EDIL3: variants seen among roughly 807,000 people sequenced by gnomAD.
The protein encoded by EDIL3 is EGF-like repeat and discoidin I-like domain-containing protein 3.
EDIL3 carries 37 observed loss-of-function variants against 67.4 expected under a neutral mutation model. That is an observed-to-expected ratio of 0.55 (90% CI 0.42 to 0.72). EDIL3 has a LOEUF of 0.72. EDIL3 is among the 30% of genes least tolerant of loss of function. The pLI, the probability that EDIL3 is intolerant of heterozygous loss-of-function variation, is 0.00. For synonymous variants in EDIL3, 195 were observed against 196.3 expected (o/e 0.99, Z 0.05); for missense variants, 527 against 586.3 (o/e 0.90, Z 1.04).
At chr5:84,023,513 T>A (rs983752947) in intron 9 of EDIL3, among the ~76,000 whole-genome samples, 2 of 152,090 alleles carry the variant, frequency 1.3e-5, no homozygotes, top group African/African-American at 4.8e-5. Flanking sequence ...TGCAAGAGTA[T>A]AGCTACTGAG....
intron 2 of EDIL3, among the ~76,000 whole-genome samples, chr5:84,248,270 C>T (rs981109654): frequency 1.5e-4 from 23 of 152,234 alleles, no homozygotes; most frequent in African/African-American, 4.6e-4. Flanking sequence ...AAAGGAAATG[C>T]TTATCTTGCT....
intron 1 of EDIL3, among the ~76,000 whole-genome samples, chr5:84,309,023 T>C (rs999549262): frequency 1.3e-5 from 2 of 152,172 alleles, no homozygotes; most frequent in Non-Finnish European, 2.9e-5. Flanking sequence ...TATATAAAGA[T>C]ACAGAACTCA....
intron 3 of EDIL3, among the ~76,000 whole-genome samples, chr5:84,218,827 G>A (rs796362266): frequency 6.6e-6 from 1 of 152,128 alleles, no homozygotes; most frequent in South Asian, 2.1e-4. Context: ...AGAGTCCACT[G>A]GTTGTGGAAA....
intron 1 of EDIL3, among the ~76,000 whole-genome samples, chr5:84,270,550 TTA>T (rs1745450259): frequency 6.6e-6 from 1 of 152,208 alleles, no homozygotes; most frequent in African/African-American, 2.4e-5. Flanking sequence ...AGAACAATTC[TTA>T]TTTTCATTAA....
chr5:84,381,076 G>T (rs1190541056), intron 1 of EDIL3, among the ~76,000 whole-genome samples: 2 of 151,916 alleles, frequency 1.3e-5, no homozygotes, highest in East Asian at 1.9e-4. Context: ...GAAGATTTTT[G>T]CAACTTCAAG....
At chr5:84,154,404 A>G (rs1580352043) in intron 4 of EDIL3, among the ~76,000 whole-genome samples, 1 of 152,234 alleles carries the variant, frequency 6.6e-6, no homozygotes, top group South Asian at 2.1e-4. Flanking sequence ...TATGTTAATT[A>G]TTGTAGAATC....
At chr5:83,966,369 C>A (rs1213929283) in intron 9 of EDIL3, among the ~76,000 whole-genome samples, 2 of 152,026 alleles carry the variant, frequency 1.3e-5, no homozygotes, top group East Asian at 1.9e-4. Context: ...GGACAAGAAC[C>A]AGTTCATGGC....
intron 1 of EDIL3, among the ~76,000 whole-genome samples, chr5:84,279,316 G>C (rs1173320618): frequency 6.6e-6 from 1 of 152,096 alleles, no homozygotes; most frequent in Non-Finnish European, 1.5e-5. Flanking sequence ...CTCTCCTAGA[G>C]AAGTTTTCTC....
chr5:84,076,579 T>C (rs1047037164), intron 6 of EDIL3, among the ~76,000 whole-genome samples: 21 of 152,308 alleles, frequency 1.4e-4, no homozygotes, highest in Admixed American at 2.6e-4. Context: ...CATTTCACTA[T>C]ATAATACAAA....
intron 3 of EDIL3, 41 bp from the exon 4 acceptor site, chr5:84,180,562 T>C (rs1229294314): frequency 1.3e-6 from 2 of 1,519,112 alleles, no homozygotes; most frequent in Non-Finnish European, 1.8e-6. Context: ...ATGCATATTC[T>C]TAAAAGTAGA....
intron 9 of EDIL3, among the ~76,000 whole-genome samples, chr5:83,979,475 G>A (rs1483348672): frequency 6.6e-6 from 1 of 152,012 alleles, no homozygotes; most frequent in African/African-American, 2.4e-5. Flanking sequence ...TAGCATTACT[G>A]TTTTAGCAAA....
intron 9 of EDIL3, among the ~76,000 whole-genome samples, chr5:84,045,429 T>TG (rs1377187321): frequency 6.6e-5 from 10 of 152,270 alleles, no homozygotes; most frequent in African/African-American, 2.4e-4. Context: ...ATTCTTTGAC[T>TG]GGGCCTGGGC....
chr5:84,137,545 C>T (rs1012203980), intron 4 of EDIL3, among the ~76,000 whole-genome samples, 191 bp from the exon 5 acceptor site: 1 of 152,066 alleles, frequency 6.6e-6, no homozygotes, highest in Non-Finnish European at 1.5e-5. Context: ...TATATTTAAT[C>T]AATTTCAAAT....
chr5:84,241,011 C>G (rs1278032574), intron 2 of EDIL3, among the ~76,000 whole-genome samples: 1 of 152,172 alleles, frequency 6.6e-6, no homozygotes, highest in African/African-American at 2.4e-5. Flanking sequence ...AAATTTCCAT[C>G]TCAGCTCATC....
intron 9 of EDIL3, among the ~76,000 whole-genome samples, chr5:83,999,693 G>C (rs1161879142): frequency 6.6e-6 from 1 of 152,112 alleles, no homozygotes; most frequent in African/African-American, 2.4e-5. Context: ...TGGCCTTAAA[G>C]AGAAAGTAAA....
At chr5:83,983,824 A>C (rs1745013399) in intron 9 of EDIL3, among the ~76,000 whole-genome samples, 1 of 151,042 alleles carries the variant, frequency 6.6e-6, no homozygotes, top group South Asian at 2.1e-4. Context: ...CAATGGCAGC[A>C]TACAGGAATA....
chr5:84,246,491 A>C (rs1482830027), intron 2 of EDIL3, among the ~76,000 whole-genome samples: 3 of 152,244 alleles, frequency 2.0e-5, no homozygotes, highest in Non-Finnish European at 4.4e-5. Context: ...TTTTTAATAA[A>C]TCCATTAAAC....
chr5:84,055,106 C>A (rs1345054351), intron 9 of EDIL3, among the ~76,000 whole-genome samples: 5 of 146,186 alleles, frequency 3.4e-5, no homozygotes, highest in Non-Finnish European at 5.9e-5. Context: ...GGTACCAAAA[C>A]AGAGATACCG....
chr5:83,967,060 C>G (rs560263561), intron 9 of EDIL3, among the ~76,000 whole-genome samples: 2 of 152,044 alleles, frequency 1.3e-5, no homozygotes, highest in East Asian at 1.9e-4. Context: ...TGGTGGCTCA[C>G]GCTTGTAATC....
Sources: gnomAD v4.1 joint callset for allele counts (sites outside exome capture counted in the v4.1 genomes callset) on GRCh38, gnomAD v4.1.1 for gene constraint, MANE v1.5 for transcripts, NCBI Gene and HGNC (gene_info 2026-07-23, HGNC 2026-07-21) for gene names.